Variants in PCDHA8 observed in about 807,000 individuals in gnomAD.
The protein encoded by PCDHA8 is protocadherin alpha-8.
Under a neutral mutation model 61.8 loss-of-function variants are expected in PCDHA8, and 53 were observed. The ratio of observed to expected loss-of-function variants is 0.86; its 90% CI spans 0.69 to 1.08. PCDHA8 has a LOEUF of 1.08. Ranked by LOEUF, PCDHA8 falls within the 50% of genes least tolerant of loss-of-function variation. PCDHA8 has a pLI of 0.00. For synonymous variants in PCDHA8, 618 were observed against 556.6 expected, an observed-to-expected ratio of 1.11 and a Z score of -1.55; for missense variants, 1,293 against 1,245.0, an observed-to-expected ratio of 1.04 and a Z score of -0.58.
chr5:140,875,401 G>T, intron 1 of PCDHA8: 1 of 1,487,486 alleles, frequency 6.7e-7, no homozygotes, highest in Non-Finnish European at 8.9e-7. Context: ...AAGGGTGACT[G>T]CTCATAAAAT....
At chr5:140,978,615 T>C in intron 1 of PCDHA8, among the ~76,000 whole-genome samples, 1 of 152,238 alleles carries the variant, frequency 6.6e-6, no homozygotes, top group East Asian at 1.9e-4. Context: ...GCAAAAGCAG[T>C]GAAAGCTTTT....
intron 1 of PCDHA8, chr5:140,870,008 G>A (rs2051578395): frequency 1.2e-6 from 2 of 1,613,528 alleles, no homozygotes; most frequent in Non-Finnish European, 1.7e-6. Flanking sequence ...GGAGAAGTGA[G>A]GGTCAATGGA....
At chr5:140,966,914 G>A in intron 1 of PCDHA8, 1 of 1,602,270 alleles carries the variant, frequency 6.2e-7, no homozygotes, top group Non-Finnish European at 8.5e-7. Context: ...CTCTGTGCCA[G>A]AGGAGCAGGC....
intron 1 of PCDHA8, chr5:140,967,750 C>A (rs782284231): frequency 1.4e-5 from 22 of 1,614,072 alleles, no homozygotes; most frequent in Non-Finnish European, 1.7e-6. Flanking sequence ...ATGAGGAAGC[C>A]TCCTCCTACC....
intron 1 of PCDHA8, among the ~76,000 whole-genome samples, chr5:140,899,683 T>A (rs1554188699): frequency 6.6e-6 from 1 of 152,222 alleles, no homozygotes; most frequent in African/African-American, 2.4e-5. Flanking sequence ...ATCAGGATGA[T>A]GCTGGCCTCA....
chr5:140,958,454 T>G (rs2095424871), intron 1 of PCDHA8, among the ~76,000 whole-genome samples: 1 of 152,168 alleles, frequency 6.6e-6, no homozygotes, highest in African/African-American at 2.4e-5. Flanking sequence ...CCTTTTATTC[T>G]TCAACTTCTG....
intron 1 of PCDHA8, among the ~76,000 whole-genome samples, chr5:140,890,820 G>T (rs945332484): frequency 1.3e-5 from 2 of 152,080 alleles, no homozygotes; most frequent in East Asian, 3.9e-4. Flanking sequence ...TGTTTTAAAT[G>T]TACTTACATA....
At position 140,847,175 on chromosome 5, in the gene PCDHA8, G is replaced by A. The variant is rs1238681114; in HGVS notation, c.2394+3460G>A. ...TGATTTCTGAGTAATAAACTAAAGG[G>A]CCATGAGTGATTAAGGAATTTGGCC... is the stretch of plus-strand genomic sequence containing the variant. On this transcript the variant is annotated intron_variant, in intron 1 of 3. Transcript: ENST00000531613. Among the ~76,000 whole-genome samples the A allele has an allele frequency of 4.0e-5, 6 of 149,412 alleles. 2 individuals are homozygous for A. The highest frequency in any genetic ancestry group is 9.0e-5 in the Non-Finnish European group (6 of 66,808).
rs2150493815 is a variant in PCDHA8 at position 140,850,683 on chromosome 5, G to A, written c.2394+6968G>A. 6 of 1,598,480 alleles carry A rather than the reference G, an allele frequency of 3.8e-6. No individual in the cohort carries two copies. The East Asian group carries it at 1.1e-4, about 30-fold the overall frequency. On this transcript the variant is annotated intron_variant, in intron 1 of 3. Coordinates refer to ENST00000531613, the MANE Select transcript of PCDHA8 (RefSeq NM_018911.3). ...GCGGTGCTCGGCGATGCCCACCGAG[G>A]GCGAGTGCGCGCCTGGCAAGCCGAC...
At position 141,009,998 on chromosome 5, in the gene PCDHA8, T is replaced by C. The variant is rs1046818514; in HGVS notation, c.*61T>C. 6 of 1,575,876 alleles carry C rather than the reference T, an allele frequency of 3.8e-6. No individual in the cohort carries two copies. The African/African-American group carries it at 5.5e-5, about 14-fold the overall frequency. ...TTGTAATAATGGCAAATCTCTCCCA[T>C]GTAGCAATTCCCTGCTCCTTTTTCC... is the stretch of plus-strand genomic sequence containing the variant. On this transcript the variant is annotated 3_prime_UTR_variant, in exon 4 of 4. Transcript: ENST00000531613.
chr5:140,984,258 CA>C (rs1563514144), intron 3 of PCDHA8, among the ~76,000 whole-genome samples: 1 of 152,262 alleles, frequency 6.6e-6, no homozygotes, highest in East Asian at 1.9e-4. Context: ...TGGTAAGCCA[CA>C]AACTAACTTT....
intron 1 of PCDHA8, chr5:140,861,620 A>G: frequency 2.9e-6 from 1 of 340,898 alleles, no homozygotes; most frequent in South Asian, 2.8e-5. Context: ...ACAACCTGCC[A>G]GTGTTCTCAG....
chr5:140,841,818 C>T lies in PCDHA8; in HGVS notation c.497C>T (p.Ser166Phe), dbSNP rs2150323435. The part of the protein sequence containing the change: ...GASDADVGAN[S>F]VLTYRLSSHD... ...TCCGATGCAGATGTTGGAGCTAACT[C>T]CGTGTTAACCTACAGGCTTAGCTCT... The change falls in exon 1 of 4, where the codon TCC becomes TTC. Residue 166 changes from serine to phenylalanine, a missense_variant. By Grantham distance (155) the Ser-to-Phe change is radical. Coordinates refer to ENST00000531613, the MANE Select transcript of PCDHA8 (RefSeq NM_018911.3). The T allele has an allele frequency of 1.9e-6, 3 of 1,613,912 alleles. No homozygotes were observed. In the South Asian group the frequency reaches 3.3e-5, roughly 18 times the overall value.
chr5:140,861,885 C>G (rs2047123718), intron 1 of PCDHA8: 1 of 155,106 alleles, frequency 6.4e-6, no homozygotes, highest in Non-Finnish European at 1.4e-5. Flanking sequence ...GCTGAGCTGA[C>G]AGGCACCAAA....
chr5:140,897,790 T>C (rs1219376194), intron 1 of PCDHA8, among the ~76,000 whole-genome samples: 378 of 152,274 alleles, frequency 2.5e-3, no homozygotes, highest in African/African-American at 8.4e-3. Flanking sequence ...GTTGAACTAG[T>C]TTAGAGTCCC....
intron 1 of PCDHA8, chr5:140,858,468 G>A: frequency 6.6e-7 from 1 of 1,521,202 alleles, no homozygotes; most frequent in East Asian, 2.4e-5. Context: ...TTCCTTTTGT[G>A]CTTTATGAAT....
At chr5:141,001,536 A>G (rs562513933) in intron 3 of PCDHA8, among the ~76,000 whole-genome samples, 153 of 152,240 alleles carry the variant, frequency 1.0e-3, no homozygotes, top group African/African-American at 3.5e-3. Context: ...CTGATCCTGG[A>G]CAGGATTTGG....
intron 3 of PCDHA8, among the ~76,000 whole-genome samples, chr5:140,998,057 A>G (rs2097795221): frequency 1.3e-5 from 2 of 152,294 alleles, no homozygotes; most frequent in South Asian, 4.1e-4. Flanking sequence ...TGACATCATC[A>G]TCAACAGACT....
At chr5:140,935,253 A>G (rs1469038997) in intron 1 of PCDHA8, among the ~76,000 whole-genome samples, 1 of 152,226 alleles carries the variant, frequency 6.6e-6, no homozygotes, top group Non-Finnish European at 1.5e-5. Flanking sequence ...GATAAAATAC[A>G]TCACATGTTT....
Sources: allele counts gnomAD v4.1 joint callset (sites outside exome capture counted in the v4.1 genomes callset), GRCh38; gene constraint gnomAD v4.1.1; transcripts MANE v1.5; gene names NCBI Gene and HGNC (gene_info 2026-07-23, HGNC 2026-07-21).